SRCIN1: variants seen among roughly 807,000 people sequenced by gnomAD.
SRCIN1 encodes P130Cas-associated protein.
In SRCIN1, 50 loss-of-function variants were observed where a neutral mutation model predicts 116.2. That is an observed-to-expected ratio of 0.43 (90% confidence interval 0.34 to 0.54). The LOEUF (loss-of-function observed/expected upper bound fraction) is 0.54, where lower values mean the gene tolerates loss of function less well. Among genes scored for constraint, SRCIN1 ranks in the 20% least tolerant of loss-of-function variants. The pLI, the probability that SRCIN1 is intolerant of heterozygous loss-of-function variation, is 0.02. For missense variants in SRCIN1, 1,446 were observed against 1,672.0 expected, an observed-to-expected ratio of 0.86 and a Z score of 2.36; for synonymous variants, 736 against 750.0, an observed-to-expected ratio of 0.98 and a Z score of 0.30.
At chr17:38,567,059 T>A (rs1263737443) in intron 3 of SRCIN1, among the ~76,000 whole-genome samples, 1 of 152,122 alleles carries the variant, frequency 6.6e-6, no homozygotes, top group African/African-American at 2.4e-5. Flanking sequence ...CATACTCAAG[T>A]GATCCTCCCA....
At chr17:38,594,299 C>T (rs903457478) in intron 1 of SRCIN1, among the ~76,000 whole-genome samples, 20 of 152,168 alleles carry the variant, frequency 1.3e-4, no homozygotes, top group Admixed American at 2.6e-4. Flanking sequence ...TTTAGGAAAA[C>T]GGTAATTTTA....
intron 1 of SRCIN1, among the ~76,000 whole-genome samples, chr17:38,582,307 A>G (rs1254899507): frequency 6.6e-6 from 1 of 152,170 alleles, no homozygotes; most frequent in Non-Finnish European, 1.5e-5. Context: ...GCCTGAGATG[A>G]GTGGTGACTG....
At position 38,590,732 on chromosome 17, in the gene SRCIN1, C is replaced by T. The variant is rs1358564742; in HGVS notation, c.23-11941G>A. On this transcript the variant is annotated intron_variant, in intron 1 of 18. Coordinates refer to ENST00000617146, the MANE Select transcript of SRCIN1 (RefSeq NM_025248.3). ...AGTGGAAGAGGCTGATCTCAACTGC[C>T]GGGGTGCTTAGCCCATTAGCCCATG... is the stretch of plus-strand genomic sequence containing the variant. Among the ~76,000 whole-genome samples the T allele has an allele frequency of 2.4e-4, 33 of 139,092 alleles. 1 individual carries two copies. The highest frequency in any genetic ancestry group is 1.8e-3 in the Admixed American group (27 of 14,836). 91.2% of individuals were successfully genotyped at this position (139,092 alleles called of 152,430 possible). A position where few individuals can be genotyped will look rare whatever the true frequency, so the allele number is the denominator to read the frequency against.
rs1567846094 is a variant in SRCIN1 at position 38,533,442 on chromosome 17, A to G, written c.3418-11T>C. The G allele has an allele frequency of 8.1e-6, 13 of 1,612,416 alleles. No individual in the cohort carries two copies. The highest frequency in any genetic ancestry group is 1.3e-5 in the African/African-American group (1 of 74,928). ...AGATGGTTTAGTGGCCTGGAACAAA[A>G]ACAGGGGTCAGGGGTCAGAGAGCGG... On this transcript the variant is annotated splice_polypyrimidine_tract_variant and intron_variant, in intron 18 of 18. Coordinates refer to ENST00000617146, the MANE Select transcript of SRCIN1 (RefSeq NM_025248.3).
chr17:38,564,078 A>T, intron 4 of SRCIN1, 40 bp downstream of exon 4: 1 of 1,464,594 alleles, frequency 6.8e-7, no homozygotes, highest in African/African-American at 1.7e-5. Flanking sequence ...CAGAGGGAGG[A>T]GCCTGTGTGG....
chr17:38,559,907 G>T, intron 9 of SRCIN1, 135 bp from the exon 10 acceptor site: 1 of 1,364,048 alleles, frequency 7.3e-7, no homozygotes, highest in Non-Finnish European at 1.0e-6. Context: ...TGCCCCAAGT[G>T]GTCAGCCCTA....
intron 18 of SRCIN1, among the ~76,000 whole-genome samples, chr17:38,535,529 C>A (rs2040989116): frequency 6.6e-6 from 1 of 152,156 alleles, no homozygotes; most frequent in Admixed American, 6.5e-5. Context: ...TCTAACCCCT[C>A]TCCTCTGCTC....
chr17:38,587,260 C>T (rs1005292409), intron 1 of SRCIN1, among the ~76,000 whole-genome samples: 6 of 152,212 alleles, frequency 3.9e-5, no homozygotes, highest in Middle Eastern at 3.4e-3. Flanking sequence ...GGCTTGGCCT[C>T]GGTGCCACCT....
Position 38,604,591 on chromosome 17 carries a change from C to A in SRCIN1, c.22+1093G>T. On this transcript the variant is annotated intron_variant, in intron 1 of 18. Coordinates refer to ENST00000617146, the MANE Select transcript of SRCIN1 (RefSeq NM_025248.3). This position sits in a 1 kb window ranked among gnomAD's most constrained non-coding sequence, Gnocchi z 4.3. Reference sequence around the variant, plus strand: ...CCAGGGCAAAGCGCCGGAGGCACTGCCAGGGCTGCATGGGGACGCGTGGGG... The same window carrying A: ...CCAGGGCAAAGCGCCGGAGGCACTGACAGGGCTGCATGGGGACGCGTGGGG... The A allele has an allele frequency of 2.2e-6, 1 of 450,396 alleles. No homozygotes were observed. The highest frequency in any genetic ancestry group is 4.5e-6 in the Non-Finnish European group (1 of 224,562). 27.9% of individuals were successfully genotyped at this position (450,396 alleles called of 1,614,324 possible). A position where few individuals can be genotyped will look rare whatever the true frequency, so the allele number is the denominator to read the frequency against.
At chr17:38,576,629 A>G (rs1907435397) in intron 2 of SRCIN1, among the ~76,000 whole-genome samples, 1 of 152,026 alleles carries the variant, frequency 6.6e-6, no homozygotes, top group Admixed American at 6.6e-5. Context: ...AGCATCCCCA[A>G]GAATGCCCTA....
chr17:38,554,419 T>C (rs550932921), intron 11 of SRCIN1, among the ~76,000 whole-genome samples: 1 of 152,256 alleles, frequency 6.6e-6, no homozygotes, highest in South Asian at 2.1e-4. Context: ...TCTGGCTCTT[T>C]ATAATGCTGT....
intron 15 of SRCIN1, among the ~76,000 whole-genome samples, 198 bp downstream of exon 15, chr17:38,550,957 G>A (rs1905354970): frequency 6.6e-6 from 1 of 152,244 alleles, no homozygotes; most frequent in Non-Finnish European, 1.5e-5. Flanking sequence ...AGTGGGAAAT[G>A]CCGGGATGGA....
At chr17:38,559,491 G>C in intron 10 of SRCIN1, 94 bp downstream of exon 10, 1 of 1,330,018 alleles carries the variant, frequency 7.5e-7, no homozygotes, top group South Asian at 1.4e-5. Context: ...TCTGGGAAAA[G>C]GATGAGGTAG....
Position 38,562,929 on chromosome 17 carries a change from G to A in SRCIN1, c.741-9C>T. The A allele has an allele frequency of 6.2e-7, 1 of 1,610,006 alleles. No individual in the cohort carries two copies. Among genetic ancestry groups the A allele is most frequent in the Non-Finnish European group, 8.5e-7 (1 of 1,177,024 alleles). On this transcript the variant is annotated splice_polypyrimidine_tract_variant and intron_variant, in intron 5 of 18. Transcript: ENST00000617146. The surrounding 1 kb of genome is among the most constrained non-coding windows in gnomAD (Gnocchi z 4.2). ...TGCGGTCCTGGATGTCCCTGGGAGA[G>A]GCGGGGAGACGGGGGTCACCACCCA...
At chr17:38,603,923 C>T (rs1007276095) in intron 1 of SRCIN1, among the ~76,000 whole-genome samples, 2 of 152,066 alleles carry the variant, frequency 1.3e-5, no homozygotes, top group Non-Finnish European at 2.9e-5. Flanking sequence ...TATGGAGTGG[C>T]CCATCACCAA....
chr17:38,588,120 G>GCAA (rs1908224330), intron 1 of SRCIN1, among the ~76,000 whole-genome samples: 2 of 152,026 alleles, frequency 1.3e-5, no homozygotes, highest in Admixed American at 6.5e-5. Context: ...CAGGCAACAG[G>GCAA]CAACAGGCAT....
chr17:38,563,772 T>A lies in SRCIN1; in HGVS notation c.542-251A>T. 1.5e-6 allele frequency: 1 copy of A among 673,334 alleles called. No homozygotes were observed. Among genetic ancestry groups the A allele is most frequent in the Non-Finnish European group, 2.6e-6 (1 of 378,988 alleles). The allele number at this position is 673,334 out of a possible 1,614,324, so 41.7% of individuals were successfully genotyped here. On this transcript the variant is annotated intron_variant, in intron 4 of 18. Coordinates refer to ENST00000617146, the MANE Select transcript of SRCIN1 (RefSeq NM_025248.3). The surrounding 1 kb of genome is among the most constrained non-coding windows in gnomAD (Gnocchi z 5.8). ...AGGAACTTGGACAAGGAAATGGAAG[T>A]GGGGGCAGAGCAGGTGGGGCGGAAA...
In SRCIN1 at chr17:38,568,325, C is replaced by T. The variant is rs1004493934; in HGVS notation, c.325-94G>A. 8 of 1,319,048 alleles carry T rather than the reference C, an allele frequency of 6.1e-6. No homozygotes were observed. The highest frequency in any genetic ancestry group is 8.6e-6 in the Non-Finnish European group (8 of 930,560). 81.7% of individuals were successfully genotyped at this position (1,319,048 alleles called of 1,614,324 possible). A position where few individuals can be genotyped will look rare whatever the true frequency, so the allele number is the denominator to read the frequency against. The stretch of plus-strand genomic sequence containing the variant: ...GGTTAGAGACCCTTGGAACTCAGCA[C>T]TCAGCCCTAGGACAAGGGCCCTCCA... On this transcript the variant is annotated intron_variant, in intron 2 of 18. Transcript: ENST00000617146. This position sits in a 1 kb window ranked among gnomAD's most constrained non-coding sequence, Gnocchi z 4.5.
chr17:38,559,699 G>A lies in SRCIN1; in HGVS notation c.1911C>T (p.Thr637=). ...SGPPPPSASS[T]PAGQPTAVSR... ...TAACGGCGGTAGGCTGACCTGCGGG[G>A]GTGCTGCTGGCCGAGGGCGGGGGCG... The change falls in exon 10 of 19, where the codon ACC becomes ACT. Residue 637 remains threonine (T), a synonymous_variant. Coordinates refer to ENST00000617146, the MANE Select transcript of SRCIN1 (RefSeq NM_025248.3). The A allele has an allele frequency of 6.3e-7, 1 of 1,591,404 alleles. No homozygotes were observed. Among genetic ancestry groups the A allele is most frequent in the Non-Finnish European group, 8.5e-7 (1 of 1,175,036 alleles).
Sources: gnomAD v4.1 joint callset for allele counts (sites outside exome capture counted in the v4.1 genomes callset) on GRCh38, gnomAD v4.1.1 for gene constraint, Gnocchi (gnomAD v3.1) non-coding constraint, MANE v1.5 for transcripts, NCBI Gene and HGNC (gene_info 2026-07-23, HGNC 2026-07-21) for gene names.